WDTC1: variants seen among roughly 807,000 people sequenced by gnomAD.
WDTC1 encodes WD and tetratricopeptide repeats protein 1.
In WDTC1, 12 loss-of-function variants were observed where a neutral mutation model predicts 76.0. The ratio of observed to expected loss-of-function variants is 0.16; its 90% CI spans 0.10 to 0.26. WDTC1 has a LOEUF of 0.26. WDTC1 is among the 10% of genes least tolerant of loss of function. The pLI, the probability that WDTC1 is intolerant of heterozygous loss-of-function variation, is 1.00. For synonymous variants in WDTC1, 326 were observed against 350.8 expected (o/e 0.93, Z 0.79); for missense variants, 511 against 908.8 (o/e 0.56, Z 5.63).
intron 1 of WDTC1, among the ~76,000 whole-genome samples, chr1:27,257,403 A>G (rs965143324): frequency 2.0e-5 from 3 of 152,122 alleles, no homozygotes; most frequent in African/African-American, 7.2e-5. Context: ...GCAAGGCCAC[A>G]CAACTGTTCT....
At chr1:27,299,719 C>T (rs1286244588) in intron 12 of WDTC1, among the ~76,000 whole-genome samples, 1 of 152,058 alleles carries the variant, frequency 6.6e-6, no homozygotes, top group African/African-American at 2.4e-5. Flanking sequence ...GCATGATGGG[C>T]AGCTACTGGA....
rs368577351 is a variant in WDTC1 at position 27,263,217 on chromosome 1, C to A, written c.114C>A (p.Gly38=). The A allele has an allele frequency of 5.1e-5, 82 of 1,613,244 alleles. No homozygotes were observed. The Middle Eastern group carries it at 1.4e-3, about 27-fold the overall frequency. Residue 38 remains glycine (G), a synonymous_variant, in exon 3 of 16, where the codon GGC becomes GGA. Coordinates refer to ENST00000319394, the MANE Select transcript of WDTC1 (RefSeq NM_001276252.2). ...HVTDPFIRRL[G]LEAELQGHSG... ...CTGACCCCTTTATCCGGCGGCTGGG[C>A]CTGGAAGCAGAGCTGCAGGTAAGAG...
chr1:27,269,476 G>A (rs755291466), intron 3 of WDTC1, among the ~76,000 whole-genome samples: 2 of 151,870 alleles, frequency 1.3e-5, no homozygotes, highest in African/African-American at 4.8e-5. Context: ...AATGAGGTTG[G>A]TGAGGTAAGT....
chr1:27,299,682 G>A (rs1280073267), intron 12 of WDTC1, among the ~76,000 whole-genome samples: 5 of 152,230 alleles, frequency 3.3e-5, no homozygotes, highest in African/African-American at 1.2e-4. Context: ...TTGGAATGCA[G>A]AGCGGTGACG....
intron 3 of WDTC1, 127 bp from the exon 4 acceptor site, chr1:27,282,112 C>A: frequency 1.2e-6 from 1 of 855,890 alleles, no homozygotes; most frequent in South Asian, 1.6e-5. Context: ...TTTGGCCACT[C>A]ACATGCACTT....
At chr1:27,269,226 C>A (rs2012778116) in intron 3 of WDTC1, among the ~76,000 whole-genome samples, 1 of 147,348 alleles carries the variant, frequency 6.8e-6, no homozygotes, top group Non-Finnish European at 1.5e-5. Context: ...CTATAGTCCC[C>A]AGCTACTTGG....
intron 3 of WDTC1, among the ~76,000 whole-genome samples, chr1:27,270,612 G>A (rs568856157): frequency 6.6e-6 from 1 of 152,310 alleles, no homozygotes; most frequent in East Asian, 1.9e-4. Context: ...ACAATTGCTT[G>A]AGCCTGGGGG....
At chr1:27,236,466 G>A (rs2011491897) in intron 1 of WDTC1, among the ~76,000 whole-genome samples, 1 of 152,174 alleles carries the variant, frequency 6.6e-6, no homozygotes, top group Non-Finnish European at 1.5e-5. Flanking sequence ...TCAATTTGAA[G>A]GAACAGTGCT....
intron 13 of WDTC1, among the ~76,000 whole-genome samples, chr1:27,302,610 ACACACCTGTAGTCC>A (rs2013861002): frequency 1.3e-5 from 2 of 152,230 alleles, no homozygotes; most frequent in South Asian, 4.2e-4. Flanking sequence ...GGGTGGTGGC[ACACACCTGTAGTCC>A]CAGCTCCTCG....
intron 10 of WDTC1, among the ~76,000 whole-genome samples, chr1:27,296,680 A>G (rs1367102386): frequency 6.6e-6 from 1 of 151,862 alleles, no homozygotes; most frequent in Non-Finnish European, 1.5e-5. Flanking sequence ...TCTCCTTTGT[A>G]TCCTGGCCCA....
chr1:27,257,744 T>C (rs901025290), intron 1 of WDTC1, among the ~76,000 whole-genome samples: 9 of 152,154 alleles, frequency 5.9e-5, no homozygotes, highest in African/African-American at 2.2e-4. Flanking sequence ...ATGGCAATGC[T>C]GAATGGTTTC....
chr1:27,287,562 C>T, intron 5 of WDTC1, 112 bp from the exon 6 acceptor site: 1 of 1,250,348 alleles, frequency 8.0e-7, no homozygotes, highest in Non-Finnish European at 1.1e-6. Flanking sequence ...TGCATGGGCT[C>T]ATTCTCTTAT....
intron 3 of WDTC1, among the ~76,000 whole-genome samples, chr1:27,281,769 T>C (rs909118115): frequency 3.3e-5 from 5 of 151,994 alleles, no homozygotes; most frequent in East Asian, 1.9e-4. Context: ...TTTGTGTTTT[T>C]TGTAGAGATG....
Position 27,263,946 on chromosome 1 carries a change from TTTC to T in WDTC1, c.132+714_132+716del, listed in dbSNP as rs1006773269. On this transcript the variant is annotated intron_variant, in intron 3 of 15. Transcript: ENST00000319394. Reference sequence around the variant, plus strand: ...TGCACACACACACAAACACACACACTTTCTTATTTTAGCATCAAAGCAATGCTG... The same window carrying T: ...TGCACACACACACAAACACACACACTTTATTTTAGCATCAAAGCAATGCTG... 9.4e-4 allele frequency among the ~76,000 whole-genome samples: 143 copies of T among 151,940 alleles called. 1 individual carries two copies. Among genetic ancestry groups the T allele is most frequent in the African/African-American group, 3.2e-3 (133 of 41,424 alleles).
rs1309049802 is a variant in WDTC1 at position 27,305,197 on chromosome 1, A to G, written c.1836+4A>G. On this transcript the variant is annotated splice_donor_region_variant and intron_variant, in intron 15 of 15. Transcript: ENST00000319394. This position sits in a 1 kb window ranked among gnomAD's most constrained non-coding sequence, Gnocchi z 4.6. ...GCTCTGGAACCCCCGACCAGAGGTG[A>G]GGGTGCAGAGCCAAGCAGAGAGGAG... The G allele has an allele frequency of 6.2e-7, 1 of 1,612,952 alleles. No homozygotes were observed. The highest frequency in any genetic ancestry group is 8.5e-7 in the Non-Finnish European group (1 of 1,179,674).
Position 27,261,077 on chromosome 1 carries a change from G to C in WDTC1, c.23G>C (p.Arg8Thr). Reference sequence around the variant, plus strand: ...AAGATGGCGAAAGTCAACATAACTAGAGACCTCATCCGTAGGCAGATCAAG... The same window carrying C: ...AAGATGGCGAAAGTCAACATAACTACAGACCTCATCCGTAGGCAGATCAAG... MAKVNITRDLIRRQIKER... is the reference protein window; with the variant it reads MAKVNITTDLIRRQIKER... The change falls in exon 2 of 16, where the codon AGA becomes ACA. Residue 8 changes from arginine to threonine, a missense_variant. By Grantham distance (71) the Arg-to-Thr change is moderately conservative (BLOSUM62 -1). Transcript: ENST00000319394. 1 of 1,614,126 alleles carries C rather than the reference G, an allele frequency of 6.2e-7. No individual in the cohort carries two copies.
In WDTC1 at chr1:27,306,117, C is replaced by T; in HGVS notation, c.1837-69C>T. On this transcript the variant is annotated intron_variant, in intron 15 of 15. Coordinates refer to ENST00000319394, the MANE Select transcript of WDTC1 (RefSeq NM_001276252.2). The surrounding 1 kb of genome is among the most constrained non-coding windows in gnomAD (Gnocchi z 5.0). ...TAGTCTGTGTATTTCCCTCCCCCTC[C>T]CCTATACGTGTACCCTGGTGCCTCT... 6.4e-7 allele frequency: 1 copy of T among 1,565,174 alleles called. No homozygotes were observed. The highest frequency in any genetic ancestry group is 1.3e-5 in the African/African-American group (1 of 74,190).
At chr1:27,277,015 G>T (rs1389435059) in intron 3 of WDTC1, among the ~76,000 whole-genome samples, 2 of 139,370 alleles carry the variant, frequency 1.4e-5, no homozygotes, top group Non-Finnish European at 3.0e-5. Flanking sequence ...TAATTTTAAT[G>T]AAATTCAATT....
At chr1:27,285,820 T>G (rs1387243314) in intron 5 of WDTC1, among the ~76,000 whole-genome samples, 2 of 151,848 alleles carry the variant, frequency 1.3e-5, no homozygotes, top group Non-Finnish European at 2.9e-5. Flanking sequence ...ATTCCCGACC[T>G]CAGGTGATCC....
Sources: allele counts gnomAD v4.1 joint callset (sites outside exome capture counted in the v4.1 genomes callset), GRCh38; gene constraint gnomAD v4.1.1; non-coding constraint Gnocchi (gnomAD v3.1); transcripts MANE v1.5; gene names NCBI Gene and HGNC (gene_info 2026-07-23, HGNC 2026-07-21).